CEP76: variants seen among roughly 807,000 people sequenced by gnomAD.
CEP76 encodes centrosomal protein of 76 kDa.
A neutral mutation model predicts 83.3 loss-of-function variants in CEP76; 55 were observed. That is an observed-to-expected ratio of 0.66 (90% CI 0.53 to 0.83). The LOEUF (loss-of-function observed/expected upper bound fraction) is 0.83. Ranked by LOEUF, CEP76 falls within the 40% of genes least tolerant of loss-of-function variation. CEP76 has a pLI of 0.00. For synonymous variants in CEP76, 270 were observed against 274.5 expected (o/e 0.98, Z 0.16); for missense variants, 694 against 799.5 (o/e 0.87, Z 1.59).
chr18:12,672,493 G>C (rs1318281932), downstream of CEP76: 2 of 194,136 alleles, frequency 1.0e-5, no homozygotes, highest in Non-Finnish European at 1.9e-5. Context: ...GTTTTCAGTG[G>C]TCTCACACAA....
chr18:12,662,325 G>C (rs2038708816), intron 12 of CEP76, among the ~76,000 whole-genome samples: 1 of 152,174 alleles, frequency 6.6e-6, no homozygotes, highest in South Asian at 2.1e-4. Flanking sequence ...TGAAGGGTCA[G>C]ATATTATTAT....
intron 4 of CEP76, among the ~76,000 whole-genome samples, chr18:12,698,104 AAG>A (rs1461061824): frequency 9.9e-5 from 15 of 152,014 alleles, no homozygotes; most frequent in Admixed American, 3.9e-4. Flanking sequence ...TAAGAAAAAA[AAG>A]AAAAAATTAA....
intron 12 of CEP76, among the ~76,000 whole-genome samples, chr18:12,664,604 C>G (rs540920791): frequency 6.6e-6 from 1 of 151,952 alleles, no homozygotes; most frequent in East Asian, 1.9e-4. Flanking sequence ...AAGCTGGTCT[C>G]AAATTCCTGG....
At chr18:12,664,756 T>A (rs996030018) in intron 12 of CEP76, among the ~76,000 whole-genome samples, 4 of 150,206 alleles carry the variant, frequency 2.7e-5, no homozygotes, top group Non-Finnish European at 5.9e-5. Context: ...TGGAGTGCAG[T>A]GGTACAATCT....
At chr18:12,681,417 T>A (rs1006855601) in intron 8 of CEP76, among the ~76,000 whole-genome samples, 39 of 151,836 alleles carry the variant, frequency 2.6e-4, no homozygotes, top group East Asian at 3.9e-4. Context: ...TAGCTAATTT[T>A]AAAATTTTTT....
chr18:12,702,694 C>G lies in CEP76; in HGVS notation c.-146G>C, dbSNP rs989597286. The G allele has an allele frequency of 2.3e-6, 2 of 866,068 alleles. No individual in the cohort carries two copies. The highest frequency in any genetic ancestry group is 1.7e-6 in the Non-Finnish European group (1 of 590,740). The allele number at this position is 866,068 out of a possible 1,614,324, so 53.6% of individuals were successfully genotyped here. A position where few individuals can be genotyped will look rare whatever the true frequency, so the allele number is the denominator to read the frequency against. ...AGCGCAGCTCCCGGGGGACGCAACG[C>G]CGCGTCAGGCCGGGGGCTGACCTGG... On this transcript the variant is annotated 5_prime_UTR_variant, in exon 1 of 12. Transcript: ENST00000262127.
chr18:12,699,866 G>C lies in CEP76; in HGVS notation c.259C>G (p.Pro87Ala). 1 of 1,595,808 alleles carries C rather than the reference G, an allele frequency of 6.3e-7. No individual in the cohort carries two copies. Among genetic ancestry groups the C allele is most frequent in the South Asian group, 1.1e-5 (1 of 87,490 alleles). The part of the protein sequence containing the change: ...EQELPSSPKQ[P>A]ICFDRQSTLK... ...GTCGATTGTCTATCAAAACAAATAG[G>C]TTGTTTTGGAGAGGAAGGGAGTTCT... Residue 87 changes from proline to alanine, a missense_variant, in exon 3 of 12, where the codon CCT (proline) becomes GCT (alanine). Physicochemically the swap from Pro to Ala is conservative, Grantham distance 27. Transcript: ENST00000262127.
chr18:12,688,025 C>T (rs1199310456), intron 7 of CEP76, among the ~76,000 whole-genome samples: 10 of 151,592 alleles, frequency 6.6e-5, no homozygotes, highest in African/African-American at 1.2e-4. Flanking sequence ...GGGTGGATCA[C>T]GAGGTCAGGA....
chr18:12,691,231 CATTTTA>C (rs1296095309), intron 7 of CEP76, 122 bp downstream of exon 7: 1 of 584,334 alleles, frequency 1.7e-6, no homozygotes, highest in Admixed American at 3.8e-5. Flanking sequence ...ACAAAATCAG[CATTTTA>C]TTTTACAAAT....
chr18:12,672,975 T>G lies in CEP76; in HGVS notation c.*390A>C. On this transcript the variant is annotated 3_prime_UTR_variant, in exon 12 of 12. Coordinates refer to ENST00000262127, the MANE Select transcript of CEP76 (RefSeq NM_024899.4). The stretch of plus-strand genomic sequence containing the variant: ...TCTGTATAAAATAATTCCATTAACC[T>G]GTGAAAAGTAATGATCATACTGATT... The G allele has an allele frequency of 1.0e-6, 1 of 987,484 alleles. No individual in the cohort carries two copies. Among genetic ancestry groups the G allele is most frequent in the Non-Finnish European group, 1.2e-6 (1 of 830,940 alleles). 61.2% of individuals were successfully genotyped at this position (987,484 alleles called of 1,614,324 possible).
At chr18:12,665,111 C>G (rs74782714) in intron 12 of CEP76, 1 of 152,028 alleles carries the variant, frequency 6.6e-6, no homozygotes, top group African/African-American at 2.4e-5. Flanking sequence ...TCTACTTTGA[C>G]CCTATGAGAA....
At chr18:12,675,653 G>C (rs968408025) in intron 10 of CEP76, among the ~76,000 whole-genome samples, 2 of 151,866 alleles carry the variant, frequency 1.3e-5, no homozygotes, top group Non-Finnish European at 2.9e-5. Flanking sequence ...AAAACAACAT[G>C]ATTCCATTTA....
intron 12 of CEP76, among the ~76,000 whole-genome samples, chr18:12,664,698 CTT>C (rs76222169): frequency 3.1e-4 from 43 of 137,488 alleles, no homozygotes; most frequent in African/African-American, 4.3e-4. Context: ...TTGTCCTGAT[CTT>C]TTTTTTTTTT....
intron 8 of CEP76, 103 bp from the exon 9 acceptor site, chr18:12,680,931 G>T: frequency 9.3e-7 from 1 of 1,072,518 alleles, no homozygotes; most frequent in Non-Finnish European, 1.3e-6. Flanking sequence ...GGGCACAGTG[G>T]CTCACGCCTG....
rs147359201 is a variant in CEP76, at chr18:12,682,722, G to A, written c.1123-1894C>T. 2.6e-3 allele frequency among the ~76,000 whole-genome samples: 392 copies of A among 151,834 alleles called. 1 individual carries two copies. Among genetic ancestry groups the A allele is most frequent in the African/African-American group, 9.0e-3 (374 of 41,418 alleles). On this transcript the variant is annotated intron_variant, in intron 8 of 11. Transcript: ENST00000262127. ...CGGCTCACTACAACCTCCTCCTCCC[G>A]GGTTCCAATGATTCTCAGCCTCCTG...
At chr18:12,663,145 C>T (rs951621149) in intron 12 of CEP76, among the ~76,000 whole-genome samples, 1 of 152,170 alleles carries the variant, frequency 6.6e-6, no homozygotes, top group African/African-American at 2.4e-5. Flanking sequence ...AATTCAAATA[C>T]ATTTCCTATA....
At chr18:12,690,134 G>A (rs1411098694) in intron 7 of CEP76, among the ~76,000 whole-genome samples, 1 of 152,106 alleles carries the variant, frequency 6.6e-6, no homozygotes, top group Non-Finnish European at 1.5e-5. Flanking sequence ...CCTTTGTCCT[G>A]ATAATGTTGT....
chr18:12,681,149 A>G (rs924253014), intron 8 of CEP76, among the ~76,000 whole-genome samples: 8 of 151,656 alleles, frequency 5.3e-5, no homozygotes, highest in Non-Finnish European at 1.0e-4. Flanking sequence ...AGTGAGCTAC[A>G]ATCGCGCCAC....
chr18:12,696,831 G>C (rs1598660931), intron 5 of CEP76, among the ~76,000 whole-genome samples: 1 of 152,116 alleles, frequency 6.6e-6, no homozygotes, highest in African/African-American at 2.4e-5. Context: ...TCTGTATTTT[G>C]CAAGAATCAC....
Sources: gnomAD v4.1 joint callset for allele counts (sites outside exome capture counted in the v4.1 genomes callset) on GRCh38, gnomAD v4.1.1 for gene constraint, MANE v1.5 for transcripts, NCBI Gene and HGNC (gene_info 2026-07-23, HGNC 2026-07-21) for gene names.